SETBP1: variants seen among roughly 807,000 people sequenced by gnomAD.
The protein encoded by SETBP1 is SET binding protein 1, also known as SET-binding protein.
In SETBP1, 9 loss-of-function variants were observed where a neutral mutation model predicts 101.0. That is an observed-to-expected ratio of 0.09 (90% CI 0.05 to 0.16). SETBP1 has a LOEUF of 0.16. Among genes scored for constraint, SETBP1 ranks in the 10% least tolerant of loss-of-function variants. SETBP1 has a pLI of 1.00. For synonymous variants in SETBP1, 818 were observed against 788.5 expected (o/e 1.04, Z -0.63); for missense variants, 1,858 against 2,033.8 (o/e 0.91, Z 1.66).
chr18:44,709,267 A>G (rs1339468531), intron 2 of SETBP1, among the ~76,000 whole-genome samples: 1 of 152,198 alleles, frequency 6.6e-6, no homozygotes, highest in Non-Finnish European at 1.5e-5. Context: ...AGTAACCAGC[A>G]AAAACTGTGT....
chr18:44,903,682 C>T (rs1208485542), intron 3 of SETBP1, among the ~76,000 whole-genome samples: 1 of 152,166 alleles, frequency 6.6e-6, no homozygotes, highest in African/African-American at 2.4e-5. Flanking sequence ...CTACAGTGAG[C>T]TTCTTGCAAG....
intron 2 of SETBP1, among the ~76,000 whole-genome samples, chr18:44,703,348 G>GT (rs531974601): frequency 3.9e-5 from 2 of 51,444 alleles, no homozygotes; most frequent in African/African-American, 1.4e-4. Context: ...TTACCATTAG[G>GT]TTTTTTTTTT....
chr18:45,019,773 A>G (rs1290552656), intron 4 of SETBP1, among the ~76,000 whole-genome samples: 1 of 152,196 alleles, frequency 6.6e-6, no homozygotes, highest in African/African-American at 2.4e-5. Context: ...TTAAGAAACA[A>G]GCCATTTGTT....
At chr18:44,688,315 A>T (rs1279044903) in intron 1 of SETBP1, among the ~76,000 whole-genome samples, 1 of 152,178 alleles carries the variant, frequency 6.6e-6, no homozygotes, top group Non-Finnish European at 1.5e-5. Context: ...AAAGGTTGAG[A>T]TGGGGAAGCT....
chr18:44,788,716 A>G (rs1478731141), intron 2 of SETBP1, among the ~76,000 whole-genome samples: 2 of 151,754 alleles, frequency 1.3e-5, no homozygotes. Context: ...TAAAACTATC[A>G]GTCATGAAAG....
chr18:44,783,903 A>C (rs1203480398), intron 2 of SETBP1, among the ~76,000 whole-genome samples: 3 of 152,224 alleles, frequency 2.0e-5, no homozygotes, highest in Admixed American at 2.0e-4. Flanking sequence ...CAAATGGTTC[A>C]TTATGCCTAT....
At position 45,063,948 on chromosome 18, in the gene SETBP1, C is replaced by G. The variant is rs558537295; in HGVS notation, c.*250C>G. 2 of 429,944 alleles carry G rather than the reference C, an allele frequency of 4.7e-6. No homozygotes were observed. Among genetic ancestry groups the G allele is most frequent in the Admixed American group, 3.7e-5 (1 of 26,930 alleles). The allele number at this position is 429,944 out of a possible 1,614,324, so 26.6% of individuals were successfully genotyped here. On this transcript the variant is annotated 3_prime_UTR_variant, in exon 6 of 6. Transcript: ENST00000649279. ...GCTCCCACCACGCGGCGCTTCAGTA[C>G]GGCTGGATCCTCCGCAGGCGAGCGG...
chr18:44,884,441 C>T (rs1308010525), intron 3 of SETBP1, among the ~76,000 whole-genome samples: 3 of 152,168 alleles, frequency 2.0e-5, no homozygotes, highest in African/African-American at 7.2e-5. Flanking sequence ...GCCACCCTTC[C>T]CAAGGCTTTT....
intron 2 of SETBP1, among the ~76,000 whole-genome samples, chr18:44,822,105 T>A (rs1288578659): frequency 6.6e-6 from 1 of 152,272 alleles, no homozygotes; most frequent in Non-Finnish European, 1.5e-5. Flanking sequence ...CTCTGTTTAT[T>A]TGTACAACAG....
chr18:45,043,038 C>T (rs2073540290), intron 5 of SETBP1, among the ~76,000 whole-genome samples: 1 of 152,148 alleles, frequency 6.6e-6, no homozygotes, highest in African/African-American at 2.4e-5. Flanking sequence ...TAATTTGAAA[C>T]AACTTCTATT....
intron 2 of SETBP1, among the ~76,000 whole-genome samples, chr18:44,739,541 T>C (rs1210756039): frequency 6.6e-6 from 1 of 152,208 alleles, no homozygotes; most frequent in Non-Finnish European, 1.5e-5. Context: ...AAAAAGATAC[T>C]TGTATATTTG....
At chr18:44,831,169 T>A (rs528234293) in intron 2 of SETBP1, among the ~76,000 whole-genome samples, 73 of 152,194 alleles carry the variant, frequency 4.8e-4, no homozygotes, top group Non-Finnish European at 9.4e-4. Context: ...TGATGAACCG[T>A]TCTTATGTTG....
chr18:44,872,370 T>C (rs183399825), intron 3 of SETBP1, among the ~76,000 whole-genome samples: 39 of 152,336 alleles, frequency 2.6e-4, no homozygotes, highest in African/African-American at 9.1e-4. Context: ...CCGATCTTTG[T>C]TCTACATAGA....
rs2145111107 is a variant in SETBP1, at chr18:44,952,587, T to G, written c.3247T>G (p.Ser1083Ala). ...CCTATCGCACACGCTTGGAGCAGCTTCCCCATTCATGAGGCCAACAGTGCC... is the reference window on the plus strand; with the variant it reads ...CCTATCGCACACGCTTGGAGCAGCTGCCCCATTCATGAGGCCAACAGTGCC... ...LYLSHTLGAA[S>A]PFMRPTVPPP... The change falls in exon 4 of 6, where the codon TCC (serine) becomes GCC (alanine). Residue 1083 changes from serine to alanine, a missense_variant. Around this residue, in one of 12 missense-constraint regions of SETBP1, gnomAD observed 255 missense variants for 300.1 expected, o/e 0.85. Transcript: ENST00000649279. The G allele has an allele frequency of 6.2e-7, 1 of 1,613,754 alleles. No individual in the cohort carries two copies. Among genetic ancestry groups the G allele is most frequent in the Non-Finnish European group, 8.5e-7 (1 of 1,179,730 alleles).
chr18:44,984,913 G>A (rs1249982480), intron 4 of SETBP1, among the ~76,000 whole-genome samples: 2 of 152,206 alleles, frequency 1.3e-5, no homozygotes, highest in Non-Finnish European at 2.9e-5. Flanking sequence ...GGCCAAGGCG[G>A]GCAGATCACC....
At chr18:44,776,881 C>T (rs1158999355) in intron 2 of SETBP1, among the ~76,000 whole-genome samples, 1 of 152,170 alleles carries the variant, frequency 6.6e-6, no homozygotes, top group Non-Finnish European at 1.5e-5. Flanking sequence ...GCATTCTGCT[C>T]CTACTTTGTC....
chr18:44,762,553 A>G (rs1332246630), intron 2 of SETBP1, among the ~76,000 whole-genome samples: 5 of 152,180 alleles, frequency 3.3e-5, no homozygotes, highest in Non-Finnish European at 7.3e-5. Context: ...GTATTATCTC[A>G]ATGGTTGACA....
intron 3 of SETBP1, among the ~76,000 whole-genome samples, chr18:44,948,210 C>G (rs991003942): frequency 6.6e-6 from 1 of 152,134 alleles, no homozygotes; most frequent in Non-Finnish European, 1.5e-5. Flanking sequence ...TAATTTTCTC[C>G]TGGGTATTTG....
chr18:44,927,558 T>A (rs771660099), intron 3 of SETBP1, among the ~76,000 whole-genome samples: 6 of 152,188 alleles, frequency 3.9e-5, no homozygotes, highest in Non-Finnish European at 4.4e-5. Flanking sequence ...GTATCTATAC[T>A]CCAGGAAGGC....
Sources: allele counts gnomAD v4.1 joint callset (sites outside exome capture counted in the v4.1 genomes callset), GRCh38; gene constraint gnomAD v4.1.1; regional missense constraint gnomAD v4.1.1; transcripts MANE v1.5; gene names NCBI Gene and HGNC (gene_info 2026-07-23, HGNC 2026-07-21).